The following FHIT variants were observed in gnomAD, a reference collection of about 807,000 sequenced individuals.
The protein encoded by FHIT is fragile histidine triad diadenosine triphosphatase.
Under a neutral mutation model 17.9 loss-of-function variants are expected in FHIT, and 19 were observed. That is an observed-to-expected ratio of 1.06 (90% CI 0.74 to 1.56). The LOEUF (loss-of-function observed/expected upper bound fraction) is 1.56. Ranked by LOEUF, FHIT falls within the 40% of genes most tolerant of loss-of-function variation. The pLI, the probability that FHIT is intolerant of heterozygous loss-of-function variation, is 0.00. For missense variants in FHIT, 248 were observed against 189.2 expected, an observed-to-expected ratio of 1.31 and a Z score of -1.82; for synonymous variants, 81 against 69.7, an observed-to-expected ratio of 1.16 and a Z score of -0.81.
intron 5 of FHIT, among the ~76,000 whole-genome samples, chr3:60,174,871 G>C (rs559680292): frequency 6.6e-6 from 1 of 152,076 alleles, no homozygotes; most frequent in South Asian, 2.1e-4. Context: ...TGTCTCTATG[G>C]ATTTACTTAT....
intron 8 of FHIT, among the ~76,000 whole-genome samples, chr3:59,756,746 T>C (rs1188430146): frequency 6.6e-6 from 1 of 152,198 alleles, no homozygotes; most frequent in Non-Finnish European, 1.5e-5. Flanking sequence ...GGGGATCATG[T>C]GCAGGAAGAT....
At chr3:61,165,058 T>G (rs2037798701) in intron 2 of FHIT, among the ~76,000 whole-genome samples, 3 of 152,262 alleles carry the variant, frequency 2.0e-5, no homozygotes. Flanking sequence ...GCACCTAGGT[T>G]GATTCCATGT....
intron 7 of FHIT, among the ~76,000 whole-genome samples, chr3:59,940,828 G>C (rs1706479330): frequency 6.6e-6 from 1 of 152,172 alleles, no homozygotes; most frequent in Non-Finnish European, 1.5e-5. Context: ...ATTAGAAAAT[G>C]CCTTATAAAT....
intron 1 of FHIT, among the ~76,000 whole-genome samples, chr3:61,243,015 G>A (rs1477753753): frequency 1.3e-5 from 2 of 152,146 alleles, no homozygotes; most frequent in Admixed American, 1.3e-4. Context: ...GTTAGTCCTA[G>A]GGGGTTTGGG....
At chr3:60,668,728 AT>A (rs2040440723) in intron 4 of FHIT, among the ~76,000 whole-genome samples, 1 of 151,740 alleles carries the variant, frequency 6.6e-6, no homozygotes, top group Non-Finnish European at 1.5e-5. Flanking sequence ...CGCCTGGCTA[AT>A]TTTGTTTTTG....
chr3:59,951,820 C>A (rs1337215279), intron 7 of FHIT, among the ~76,000 whole-genome samples: 2 of 152,278 alleles, frequency 1.3e-5, no homozygotes, highest in South Asian at 2.1e-4. Context: ...TCACCTCTCT[C>A]CAGCCACAGA....
intron 5 of FHIT, among the ~76,000 whole-genome samples, chr3:60,338,553 G>A (rs1362467867): frequency 6.6e-6 from 1 of 152,090 alleles, no homozygotes; most frequent in African/African-American, 2.4e-5. Flanking sequence ...CTTATACCTA[G>A]AATTGATAGA....
intron 5 of FHIT, among the ~76,000 whole-genome samples, chr3:60,514,503 GAGA>G (rs1264590607): frequency 2.6e-5 from 4 of 152,218 alleles, no homozygotes; most frequent in Admixed American, 2.6e-4. Context: ...AGGAGGTGGG[GAGA>G]AGGAGAGCAT....
chr3:60,129,426 G>C (rs901771076), intron 5 of FHIT, among the ~76,000 whole-genome samples: 2 of 152,130 alleles, frequency 1.3e-5, no homozygotes, highest in African/African-American at 2.4e-5. Flanking sequence ...AATTCAACAA[G>C]TGTCCTGTAC....
chr3:60,544,596 A>AAT (rs777079471), intron 4 of FHIT, among the ~76,000 whole-genome samples: 1 of 124,436 alleles, frequency 8.0e-6, no homozygotes, highest in Non-Finnish European at 1.6e-5. Flanking sequence ...TTCTCAACCT[A>AAT]TTTTTTTTTT....
chr3:60,950,789 C>T (rs1708846714), intron 3 of FHIT, among the ~76,000 whole-genome samples: 1 of 151,654 alleles, frequency 6.6e-6, no homozygotes, highest in African/African-American at 2.4e-5. Context: ...TTCCAAAGTG[C>T]TGAGATTACA....
intron 8 of FHIT, among the ~76,000 whole-genome samples, chr3:59,875,163 G>A (rs746011711): frequency 4.6e-5 from 7 of 152,134 alleles, no homozygotes; most frequent in Non-Finnish European, 8.8e-5. Flanking sequence ...ACGTCTGCAG[G>A]GGCCTCAGAC....
At chr3:59,964,773 G>T (rs907737776) in intron 7 of FHIT, among the ~76,000 whole-genome samples, 1 of 151,908 alleles carries the variant, frequency 6.6e-6, no homozygotes, top group Admixed American at 6.5e-5. Context: ...TGCATAAACA[G>T]AAAAAAGCAA....
chr3:59,871,121 C>T lies in FHIT; in HGVS notation c.348+51225G>A, dbSNP rs183744877. On this transcript the variant is annotated intron_variant, in intron 8 of 9. Transcript: ENST00000492590. ...AACTTGCATTTCTTCAGGACTGGCA[C>T]TGATCCTCCAGCGACATTTTGAATG... Among the ~76,000 whole-genome samples, 4 of 152,250 alleles carry T rather than the reference C, an allele frequency of 2.6e-5. No individual in the cohort carries two copies. In the East Asian group the frequency reaches 7.7e-4, roughly 29 times the overall value.
chr3:60,354,895 T>C (rs566995720), intron 5 of FHIT, among the ~76,000 whole-genome samples: 2 of 152,300 alleles, frequency 1.3e-5, no homozygotes, highest in South Asian at 4.1e-4. Flanking sequence ...CCAGGGCAGT[T>C]AGTCCTATGG....
At chr3:60,408,408 C>T (rs1701951368) in intron 5 of FHIT, among the ~76,000 whole-genome samples, 1 of 152,128 alleles carries the variant, frequency 6.6e-6, no homozygotes, top group African/African-American at 2.4e-5. Flanking sequence ...GCGTCCACAA[C>T]ATTAACATGA....
intron 8 of FHIT, among the ~76,000 whole-genome samples, chr3:59,907,384 G>A (rs1484583580): frequency 6.6e-6 from 1 of 152,172 alleles, no homozygotes; most frequent in Non-Finnish European, 1.5e-5. Context: ...TGCATCTATT[G>A]CTTAGCAGTA....
intron 5 of FHIT, among the ~76,000 whole-genome samples, chr3:60,045,380 A>G (rs1362392176): frequency 6.6e-6 from 1 of 152,036 alleles, no homozygotes; most frequent in Non-Finnish European, 1.5e-5. Flanking sequence ...TCTTACATGG[A>G]TGGCAGCAGG....
intron 4 of FHIT, among the ~76,000 whole-genome samples, chr3:60,806,541 T>A (rs926949118): frequency 2.0e-5 from 3 of 152,246 alleles, no homozygotes; most frequent in African/African-American, 7.2e-5. Flanking sequence ...TTTAAATCAC[T>A]AATTTCCTAT....
Sources: gnomAD v4.1 joint callset for allele counts (sites outside exome capture counted in the v4.1 genomes callset) on GRCh38, gnomAD v4.1.1 for gene constraint, MANE v1.5 for transcripts, NCBI Gene and HGNC (gene_info 2026-07-23, HGNC 2026-07-21) for gene names.